Variants in SMG7 observed in about 807,000 individuals in gnomAD.
SMG7 encodes SMG7 nonsense mediated mRNA decay factor.
A neutral mutation model predicts 148.2 loss-of-function variants in SMG7; 34 were observed. That is an observed-to-expected ratio of 0.23 (90% CI 0.17 to 0.31). The LOEUF is 0.31. SMG7 is among the 10% of genes least tolerant of loss of function. The pLI, the probability that SMG7 is intolerant of heterozygous loss-of-function variation, is 1.00. For missense variants in SMG7, 1,114 were observed against 1,408.4 expected (o/e 0.79, Z 3.35); for synonymous variants, 492 against 515.1 (o/e 0.96, Z 0.61).
chr1:183,517,047 A>C (rs943583854), intron 3 of SMG7, among the ~76,000 whole-genome samples: 1 of 152,178 alleles, frequency 6.6e-6, no homozygotes, highest in African/African-American at 2.4e-5. Context: ...TCATAACTGG[A>C]CTTAAACTGA....
At chr1:183,474,030 A>G in intron 1 of SMG7, 2 of 248,402 alleles carry the variant, frequency 8.1e-6, no homozygotes, top group Non-Finnish European at 1.3e-5. Context: ...TTAACACAAC[A>G]TATATGCCCA....
At chr1:183,532,020 A>G (rs1398862645) in intron 8 of SMG7, among the ~76,000 whole-genome samples, 1 of 152,176 alleles carries the variant, frequency 6.6e-6, no homozygotes, top group Non-Finnish European at 1.5e-5. Flanking sequence ...GATTGCAAGA[A>G]GACTGACAGT....
chr1:183,539,574 C>T (rs972086541), intron 12 of SMG7, among the ~76,000 whole-genome samples: 3 of 152,150 alleles, frequency 2.0e-5, no homozygotes, highest in Non-Finnish European at 4.4e-5. Flanking sequence ...ACAATCTGAC[C>T]TCCCTTACGC....
chr1:183,494,831 A>G (rs529023247), intron 1 of SMG7, among the ~76,000 whole-genome samples: 10 of 118,238 alleles, frequency 8.5e-5, no homozygotes, highest in South Asian at 2.7e-4. Context: ...CAGTGGTGCA[A>G]TCTCGGCTCA....
Position 183,553,094 on chromosome 1 carries a change from G to A in SMG7, c.*1163G>A, listed in dbSNP as rs1671314588. Reference sequence around the variant, plus strand: ...GCCCCTGCCCAGCTGCAGTCTCCCAGCCTCCACTTTCAGAGTGAAATTCAA... The same window carrying A: ...GCCCCTGCCCAGCTGCAGTCTCCCAACCTCCACTTTCAGAGTGAAATTCAA... On this transcript the variant is annotated 3_prime_UTR_variant, in exon 23 of 23. Coordinates refer to ENST00000688051, the MANE Select transcript of SMG7 (RefSeq NM_001375584.1). 2 of 1,536,132 alleles carry A rather than the reference G, an allele frequency of 1.3e-6. No individual in the cohort carries two copies. Among genetic ancestry groups the A allele is most frequent in the Non-Finnish European group, 1.7e-6 (2 of 1,146,934 alleles).
intron 11 of SMG7, 107 bp from the exon 12 acceptor site, chr1:183,538,273 T>G: frequency 2.7e-6 from 2 of 739,184 alleles, no homozygotes; most frequent in Non-Finnish European, 4.9e-6. Flanking sequence ...ACAATAAGCA[T>G]TATAATTTCT....
chr1:183,517,060 C>G (rs568607816), intron 3 of SMG7, among the ~76,000 whole-genome samples: 1 of 152,174 alleles, frequency 6.6e-6, no homozygotes, highest in African/African-American at 2.4e-5. Context: ...TAAACTGATT[C>G]CATATATAAC....
At chr1:183,514,783 A>G (rs981896622) in intron 2 of SMG7, among the ~76,000 whole-genome samples, 2 of 152,220 alleles carry the variant, frequency 1.3e-5, no homozygotes, top group Non-Finnish European at 2.9e-5. Context: ...TCTATTAGTT[A>G]GTGATTAACA....
chr1:183,513,553 G>T (rs567397661), intron 2 of SMG7, among the ~76,000 whole-genome samples: 1 of 151,792 alleles, frequency 6.6e-6, no homozygotes. Flanking sequence ...TGTATTTTTG[G>T]TAGAGATGGG....
intron 1 of SMG7, chr1:183,501,412 T>G (rs1659681855): frequency 6.6e-6 from 1 of 152,228 alleles, no homozygotes; most frequent in Non-Finnish European, 1.5e-5. Flanking sequence ...TATATTATAC[T>G]CCCATTTTAT....
At chr1:183,494,270 G>C (rs922089221) in intron 1 of SMG7, among the ~76,000 whole-genome samples, 2 of 151,204 alleles carry the variant, frequency 1.3e-5, no homozygotes, top group African/African-American at 4.8e-5. Flanking sequence ...CAACAATATA[G>C]TACTTTCATT....
At chr1:183,493,271 G>T (rs1657524238) in intron 1 of SMG7, among the ~76,000 whole-genome samples, 1 of 152,046 alleles carries the variant, frequency 6.6e-6, no homozygotes, top group African/African-American at 2.4e-5. Flanking sequence ...CACTACACCC[G>T]GCAACCTATG....
intron 1 of SMG7, among the ~76,000 whole-genome samples, chr1:183,479,744 A>G (rs916900939): frequency 3.3e-5 from 5 of 152,204 alleles, no homozygotes; most frequent in Admixed American, 6.5e-5. Context: ...CTATAATAGT[A>G]GGTCAAAGGT....
intron 4 of SMG7, among the ~76,000 whole-genome samples, chr1:183,525,407 G>C (rs1026978858): frequency 3.3e-5 from 5 of 152,158 alleles, no homozygotes; most frequent in Non-Finnish European, 5.9e-5. Context: ...GAGAGGGGTT[G>C]TGTGGAAGCC....
At chr1:183,519,371 T>C (rs1664251074) in intron 4 of SMG7, among the ~76,000 whole-genome samples, 2 of 152,008 alleles carry the variant, frequency 1.3e-5, no homozygotes, top group Admixed American at 1.3e-4. Context: ...AAAAAGTTGA[T>C]ACTTTTTGGG....
At chr1:183,472,838 C>T (rs1162405691) in intron 1 of SMG7, 189 bp downstream of exon 1, 4 of 448,054 alleles carry the variant, frequency 8.9e-6, no homozygotes, top group Non-Finnish European at 1.5e-5. Context: ...TAGCCCCTAC[C>T]GCCCGGGCTG....
intron 17 of SMG7, 39 bp downstream of exon 17, chr1:183,546,376 G>T: frequency 6.4e-7 from 1 of 1,569,438 alleles, no homozygotes; most frequent in Non-Finnish European, 8.6e-7. Flanking sequence ...TTTGGAGATA[G>T]GTCTGAGGTT....
intron 1 of SMG7, among the ~76,000 whole-genome samples, chr1:183,504,489 C>T (rs1265930977): frequency 1.3e-5 from 2 of 151,866 alleles, no homozygotes; most frequent in Non-Finnish European, 1.5e-5. Context: ...GACAGGCACC[C>T]GTCACCATGC....
chr1:183,533,723 CAGG>C lies in SMG7; in HGVS notation c.1060_1062del (p.Glu354del), dbSNP rs1558037200. On this transcript the variant is annotated inframe_deletion, in exon 10 of 23. Transcript: ENST00000688051. ...CAAGTGTCCTCTACAGAATGAGTCTCAGGAGGAGTCCTACAATGCCTATCCTCT... is the reference window on the plus strand; with the variant it reads ...CAAGTGTCCTCTACAGAATGAGTCTCAGGAGTCCTACAATGCCTATCCTCT... The C allele has an allele frequency of 6.2e-7, 1 of 1,613,264 alleles. No individual in the cohort carries two copies. The highest frequency in any genetic ancestry group is 1.7e-5 in the Admixed American group (1 of 59,986).
Sources: gnomAD v4.1 joint callset for allele counts (sites outside exome capture counted in the v4.1 genomes callset) on GRCh38, gnomAD v4.1.1 for gene constraint, MANE v1.5 for transcripts, NCBI Gene and HGNC (gene_info 2026-07-23, HGNC 2026-07-21) for gene names.